The following TMPRSS9 variants were observed in gnomAD, a reference collection of about 807,000 sequenced individuals.
TMPRSS9 encodes the protein transmembrane serine protease 9.
TMPRSS9 carries 113 observed loss-of-function variants against 111.4 expected under a neutral mutation model. That is an observed-to-expected ratio of 1.01 (90% confidence interval 0.87 to 1.19). The LOEUF (loss-of-function observed/expected upper bound fraction) is 1.19, where lower values mean the gene tolerates loss of function less well. Among genes scored for constraint, TMPRSS9 ranks in the 50% most tolerant of loss-of-function variants. The pLI is 0.00. For synonymous variants in TMPRSS9, 805 were observed against 659.1 expected (o/e 1.22, Z -3.39); for missense variants, 1,803 against 1,513.1 (o/e 1.19, Z -3.18).
chr19:2,393,448 G>A (rs369554588), intron 1 of TMPRSS9, among the ~76,000 whole-genome samples: 12 of 152,208 alleles, frequency 7.9e-5, no homozygotes, highest in African/African-American at 2.4e-4. Flanking sequence ...GAACACATCC[G>A]AACATCAGCA....
At chr19:2,365,209 G>C (rs192919235) in intron 1 of TMPRSS9, among the ~76,000 whole-genome samples, 237 of 152,022 alleles carry the variant, frequency 1.6e-3, no homozygotes, top group South Asian at 3.5e-3. Context: ...CCTCCCACAC[G>C]ATTACTGACT....
chr19:2,380,718 G>A (rs1266007048), intron 1 of TMPRSS9, among the ~76,000 whole-genome samples: 5 of 152,060 alleles, frequency 3.3e-5, no homozygotes, highest in Non-Finnish European at 7.4e-5. Flanking sequence ...GCTAAACCCT[G>A]TCAGAATCCT....
chr19:2,411,299 CAAAAAAAAAA>C (rs771305642), intron 9 of TMPRSS9, among the ~76,000 whole-genome samples: 47 of 32,310 alleles, frequency 1.5e-3, no homozygotes, highest in African/African-American at 3.5e-3. Flanking sequence ...GACTCTGTCT[CAAAAAAAAAA>C]AAAAAAAAAA....
intron 17 of TMPRSS9, 69 bp downstream of exon 18, chr19:2,425,562 A>G: frequency 6.9e-7 from 1 of 1,441,826 alleles, no homozygotes; most frequent in South Asian, 1.4e-5. Flanking sequence ...TCCCGCTGCC[A>G]CGAAGCCCAC....
chr19:2,421,938 G>C, exon 14 of TMPRSS9: 1 of 1,613,130 alleles, frequency 6.2e-7, no homozygotes, highest in Non-Finnish European at 8.5e-7. Flanking sequence ...TATTGGCTGC[G>C]CTCAGGTTAA....
chr19:2,383,859 A>G (rs1227550040), intron 1 of TMPRSS9, among the ~76,000 whole-genome samples: 10 of 151,856 alleles, frequency 6.6e-5, no homozygotes, highest in Admixed American at 1.3e-4. Context: ...AATTACCTTC[A>G]CAGAAACAGC....
chr19:2,416,819 G>A lies in TMPRSS9; in HGVS notation c.2017+10G>A. 1 of 1,597,232 alleles carries A rather than the reference G, an allele frequency of 6.3e-7. No homozygotes were observed. Among genetic ancestry groups the A allele is most frequent in the African/African-American group, 1.3e-5 (1 of 74,866 alleles). ...ACGCAGGAAGGAAATGGTGAGCGCT[G>A]CCCCATCGAGGGGAACGGTGGATTT... On this transcript the variant is annotated intron_variant, in intron 12 of 17. Coordinates refer to ENST00000648592, the Ensembl canonical transcript of TMPRSS9.
intron 1 of TMPRSS9, among the ~76,000 whole-genome samples, chr19:2,368,549 A>T (rs957658620): frequency 6.6e-6 from 1 of 151,926 alleles, no homozygotes; most frequent in Non-Finnish European, 1.5e-5. Flanking sequence ...CAGAGGTGGG[A>T]TGTCACCTGA....
intron 3 of TMPRSS9, 27 bp from the exon 5 acceptor site, chr19:2,398,991 C>T (rs753983615): frequency 1.2e-6 from 2 of 1,602,302 alleles, no homozygotes; most frequent in Non-Finnish European, 1.7e-6. Flanking sequence ...CCCTCCCTCT[C>T]CAAGGGCCTC....
At chr19:2,387,319 A>AC (rs1970497682), upstream of TMPRSS9, among the ~76,000 whole-genome samples, 1 of 151,814 alleles carries the variant, frequency 6.6e-6, no homozygotes, top group East Asian at 1.9e-4. Flanking sequence ...ACATGGCAAA[A>AC]CCCCCTCTCT....
At chr19:2,396,473 G>A (rs373457784) in intron 1 of TMPRSS9, 66 bp from the exon 3 acceptor site, 67 of 1,498,646 alleles carry the variant, frequency 4.5e-5, no homozygotes, top group Non-Finnish European at 5.4e-5. Flanking sequence ...GGGCCTGGGT[G>A]GCAGCTCAGC....
intron 13 of TMPRSS9, 148 bp downstream of exon 14, chr19:2,418,286 T>C (rs12459118): frequency 0.016 from 7,337 of 454,338 alleles, 142 homozygotes; most frequent in African/African-American, 0.042. Flanking sequence ...CCTTTTCCTT[T>C]CCTCCTTTCC....
intron 6 of TMPRSS9, among the ~76,000 whole-genome samples, chr19:2,404,002 A>G (rs1053879502): frequency 6.0e-5 from 9 of 150,332 alleles, no homozygotes; most frequent in South Asian, 2.1e-4. Context: ...AAAAAAAAAA[A>G]AAAAAAAGAA....
chr19:2,419,764 G>A (rs898606997), intron 13 of TMPRSS9, among the ~76,000 whole-genome samples: 15 of 152,096 alleles, frequency 9.9e-5, no homozygotes, highest in East Asian at 5.8e-4. Flanking sequence ...TGATCCGCCC[G>A]CCTCAGCCTC....
At chr19:2,418,327 C>CTTTCCTTCCCTCCCTTTCCCTCCCTCCT (rs1568189431) in intron 13 of TMPRSS9, among the ~76,000 whole-genome samples, 189 bp downstream of exon 14, 4 of 36,204 alleles carry the variant, frequency 1.1e-4, no homozygotes, top group Admixed American at 2.5e-4. Context: ...CCCTCCCTCC[C>CTTTCCTTCCCTCCCTTTCCCTCCCTCCT]TCCCTTTCCT....
chr19:2,416,586 G>A (rs537373324), exon 12 of TMPRSS9: 1 of 1,612,006 alleles, frequency 6.2e-7, no homozygotes, highest in South Asian at 1.1e-5. Flanking sequence ...CGTCCCTCCT[G>A]GGCCTGGGCG....
intron 1 of TMPRSS9, among the ~76,000 whole-genome samples, chr19:2,372,329 C>T (rs1970298268): frequency 6.8e-6 from 1 of 146,994 alleles, no homozygotes; most frequent in Non-Finnish European, 1.5e-5. Context: ...TCTCACATAT[C>T]TCTCAAACCC....
At chr19:2,393,712 A>T (rs1229686709) in intron 1 of TMPRSS9, among the ~76,000 whole-genome samples, 1 of 152,016 alleles carries the variant, frequency 6.6e-6, no homozygotes, top group East Asian at 1.9e-4. Flanking sequence ...AGCCTGGCCA[A>T]CATGGGTGAA....
chr19:2,387,292 C>T (rs35354451), upstream of TMPRSS9, among the ~76,000 whole-genome samples: 32,551 of 151,652 alleles, frequency 0.21, 4,346 homozygotes, highest in Admixed American at 0.35. Flanking sequence ...GTCAGGAGTT[C>T]GAGACCAGCC....
Sources: gnomAD v4.1 joint callset for allele counts (sites outside exome capture counted in the v4.1 genomes callset) on GRCh38, gnomAD v4.1.1 for gene constraint, MANE v1.5 for transcripts, NCBI Gene and HGNC (gene_info 2026-07-23, HGNC 2026-07-21) for gene names.